The following CNBD1 variants were observed in gnomAD, a reference collection of about 807,000 sequenced individuals.
The protein encoded by CNBD1 is cyclic nucleotide binding domain containing 1.
In CNBD1, 71 loss-of-function variants were observed where a neutral mutation model predicts 54.4. The observed-to-expected ratio is 1.30, with a 90% CI of 1.08 to 1.59. CNBD1 has a LOEUF of 1.59. Ranked by LOEUF, CNBD1 falls within the 40% of genes most tolerant of loss-of-function variation. The pLI is 0.00. For missense variants in CNBD1, 659 were observed against 518.0 expected (o/e 1.27, Z -2.64); for synonymous variants, 182 against 170.7 (o/e 1.07, Z -0.51).
chr8:87,181,856 C>G (rs1215438417), intron 4 of CNBD1, among the ~76,000 whole-genome samples: 1 of 151,886 alleles, frequency 6.6e-6, no homozygotes, highest in Non-Finnish European at 1.5e-5. Flanking sequence ...TATATTTTTC[C>G]TTTTCATGTG....
intron 6 of CNBD1, among the ~76,000 whole-genome samples, chr8:87,257,528 C>T (rs1808047448): frequency 6.6e-6 from 1 of 152,010 alleles, no homozygotes; most frequent in Non-Finnish European, 1.5e-5. Flanking sequence ...TATAAGTCAC[C>T]TCATCAATAT....
intron 10 of CNBD1, among the ~76,000 whole-genome samples, chr8:87,373,655 C>T (rs2878867): frequency 0.019 from 2,876 of 151,734 alleles, 93 homozygotes; most frequent in African/African-American, 0.063. Context: ...AAGAAAATTA[C>T]AATAAATGTT....
intron 4 of CNBD1, among the ~76,000 whole-genome samples, chr8:86,951,240 G>A (rs2130447709): frequency 6.6e-6 from 1 of 152,146 alleles, no homozygotes; most frequent in South Asian, 2.1e-4. Context: ...TCAGGTAAAA[G>A]TACAGATAAT....
At chr8:87,210,354 A>G (rs1814070383) in intron 5 of CNBD1, among the ~76,000 whole-genome samples, 1 of 152,220 alleles carries the variant, frequency 6.6e-6, no homozygotes, top group Non-Finnish European at 1.5e-5. Context: ...AGAATCCAAG[A>G]AGGCTGTGGA....
intron 5 of CNBD1, among the ~76,000 whole-genome samples, chr8:87,229,769 CAT>C (rs1386448795): frequency 6.6e-6 from 1 of 152,040 alleles, no homozygotes; most frequent in African/African-American, 2.4e-5. Flanking sequence ...TCTCACTCTG[CAT>C]ATATGTCTGA....
downstream of CNBD1, among the ~76,000 whole-genome samples, chr8:87,383,917 G>A (rs995605618): frequency 9.2e-5 from 14 of 152,086 alleles, no homozygotes; most frequent in Admixed American, 7.2e-4. Flanking sequence ...TTTATAAGAT[G>A]TCAGTGATTA....
At chr8:87,302,668 T>C (rs10102227) in intron 8 of CNBD1, among the ~76,000 whole-genome samples, 84,245 of 150,880 alleles carry the variant, frequency 0.56, 25,162 homozygotes, top group African/African-American at 0.76. Context: ...ATAAAGGGTA[T>C]TCAATTAGGA....
chr8:87,172,665 A>G, intron 4 of CNBD1, among the ~76,000 whole-genome samples: 1 of 151,834 alleles, frequency 6.6e-6, no homozygotes, highest in East Asian at 1.9e-4. Flanking sequence ...CTTAAAATTT[A>G]TTTTGTCTGA....
chr8:87,402,737 A>T (rs989243983), intron 2 of CNBD1, among the ~76,000 whole-genome samples: 1 of 152,110 alleles, frequency 6.6e-6, no homozygotes, highest in Admixed American at 6.6e-5. Flanking sequence ...ATCCAGTGCC[A>T]TTAAAGTGTT....
rs59439868 is a variant in CNBD1 at position 87,087,175 on chromosome 8, CAA to C, written c.432-118803_432-118802del. On this transcript the variant is annotated intron_variant, in intron 4 of 10. Transcript: ENST00000518476. ...ATGAATATCAGGAATATGTATGAGGCAAAAAAAAAAAAAAAATGTTAGTGAGG... is the reference window on the plus strand; with the variant it reads ...ATGAATATCAGGAATATGTATGAGGCAAAAAAAAAAAAAATGTTAGTGAGG... Among the ~76,000 whole-genome samples the C allele has an allele frequency of 8.6e-3, 978 of 113,510 alleles. 14 individuals carry two copies. The highest frequency in any genetic ancestry group is 0.028 in the African/African-American group (864 of 30,506). The allele number at this position is 113,510 out of a possible 152,430, so 74.5% of individuals were successfully genotyped here. A position where few individuals can be genotyped will look rare whatever the true frequency, so the allele number is the denominator to read the frequency against.
chr8:86,933,892 T>C (rs1463256008), intron 3 of CNBD1, among the ~76,000 whole-genome samples: 1 of 152,170 alleles, frequency 6.6e-6, no homozygotes, highest in East Asian at 1.9e-4. Flanking sequence ...TTATTTTATG[T>C]ATCTCTATTA....
chr8:86,982,497 G>T (rs79839944), intron 4 of CNBD1, among the ~76,000 whole-genome samples: 6,575 of 152,148 alleles, frequency 0.043, 155 homozygotes, highest in Non-Finnish European at 0.046. Flanking sequence ...AAGTGTTGAG[G>T]TTCCTTTATT....
intron 4 of CNBD1, among the ~76,000 whole-genome samples, chr8:86,993,698 G>T (rs1474001875): frequency 6.6e-6 from 1 of 152,146 alleles, no homozygotes; most frequent in African/African-American, 2.4e-5. Flanking sequence ...TCTAGCCTTT[G>T]GTATCACAGG....
chr8:87,359,705 A>T (rs1357650327), intron 10 of CNBD1, among the ~76,000 whole-genome samples: 2 of 152,090 alleles, frequency 1.3e-5, no homozygotes, highest in Non-Finnish European at 2.9e-5. Flanking sequence ...CTCAAGAGAA[A>T]GTAAAATGAG....
chr8:87,055,441 T>G (rs1020189296), intron 4 of CNBD1, among the ~76,000 whole-genome samples: 1 of 151,630 alleles, frequency 6.6e-6, no homozygotes, highest in African/African-American at 2.4e-5. Context: ...AGTCCCCCCC[T>G]TCCCTCCCTG....
intron 4 of CNBD1, among the ~76,000 whole-genome samples, chr8:86,961,571 C>T (rs1399161340): frequency 6.6e-6 from 1 of 152,212 alleles, no homozygotes; most frequent in African/African-American, 2.4e-5. Flanking sequence ...CCAAGGGCAT[C>T]CCGTTTGGAG....
chr8:87,008,532 G>C (rs1004799633), intron 4 of CNBD1, among the ~76,000 whole-genome samples: 1 of 152,290 alleles, frequency 6.6e-6, no homozygotes, highest in Admixed American at 6.5e-5. Flanking sequence ...TACTTTTAAT[G>C]CATGTCTGAA....
intron 4 of CNBD1, among the ~76,000 whole-genome samples, chr8:87,080,340 T>TACAGGTGTGA: frequency 6.6e-6 from 1 of 152,178 alleles, no homozygotes; most frequent in South Asian, 2.1e-4. Context: ...TCCCAGCACT[T>TACAGGTGTGA]TGGGAGGCCG....
intron 8 of CNBD1, among the ~76,000 whole-genome samples, chr8:87,327,112 G>A (rs1244512138): frequency 6.8e-6 from 1 of 146,060 alleles, no homozygotes; most frequent in Admixed American, 6.9e-5. Context: ...CAGTTAGGCT[G>A]CTCGGGGGTC....
Sources: gnomAD v4.1 joint callset for allele counts (sites outside exome capture counted in the v4.1 genomes callset) on GRCh38, gnomAD v4.1.1 for gene constraint, MANE v1.5 for transcripts, NCBI Gene and HGNC (gene_info 2026-07-23, HGNC 2026-07-21) for gene names.